Variants in GALNT13 observed in about 807,000 individuals in gnomAD.
GALNT13 encodes the protein UDP-GalNAc:polypeptide N-acetylgalactosaminyltransferase 13.
In GALNT13, 28 loss-of-function variants were observed where a neutral mutation model predicts 64.2. The ratio of observed to expected loss-of-function variants is 0.44; its 90% confidence interval spans 0.32 to 0.60. The LOEUF (loss-of-function observed/expected upper bound fraction) is 0.60, where lower values mean the gene tolerates loss of function less well. GALNT13 is among the 20% of genes least tolerant of loss of function. The pLI, the probability that GALNT13 is intolerant of heterozygous loss-of-function variation, is 0.05. For synonymous variants in GALNT13, 214 were observed against 224.6 expected (o/e 0.95, Z 0.42); for missense variants, 577 against 669.8 (o/e 0.86, Z 1.53).
At position 153,884,673 on chromosome 2, in the gene GALNT13, C is replaced by G. The variant is rs1308351146; in HGVS notation, c.-177+12370C>G. ...AGGTGCTGGGTTTGTAATCCCAGCA[C>G]TTTTGGAGGCTGAGGTGGGCGGATC... is the stretch of plus-strand genomic sequence containing the variant. On this transcript the variant is annotated intron_variant, in intron 1 of 12. Coordinates refer to ENST00000392825, the MANE Select transcript of GALNT13 (RefSeq NM_052917.4). 2.7e-5 allele frequency among the ~76,000 whole-genome samples: 4 copies of G among 150,606 alleles called. No individual in the cohort carries two copies. The South Asian group carries it at 8.4e-4, about 32-fold the overall frequency.
chr2:153,841,739 G>C, the GALNT13 span, among the ~76,000 whole-genome samples: 1 of 152,056 alleles, frequency 6.6e-6, no homozygotes, highest in African/African-American at 2.4e-5. Context: ...CTGTATTATG[G>C]TTTGATCTCA....
the GALNT13 span, among the ~76,000 whole-genome samples, chr2:153,352,919 T>C: frequency 6.6e-6 from 1 of 152,108 alleles, no homozygotes; most frequent in Non-Finnish European, 1.5e-5. Flanking sequence ...TCTTTCAATA[T>C]TGTGTTGGCT....
At chr2:153,266,989 A>T in the GALNT13 span, among the ~76,000 whole-genome samples, 1 of 152,326 alleles carries the variant, frequency 6.6e-6, no homozygotes. Flanking sequence ...ATACAATGGG[A>T]GTGTGGGCAT....
intron 9 of GALNT13, among the ~76,000 whole-genome samples, chr2:154,312,657 C>T (rs2105134242): frequency 6.6e-6 from 1 of 152,200 alleles, no homozygotes; most frequent in African/African-American, 2.4e-5. Flanking sequence ...TTGGTTTATA[C>T]ATTGTTAAAA....
the GALNT13 span, among the ~76,000 whole-genome samples, chr2:153,691,497 CT>C: frequency 6.6e-6 from 1 of 151,902 alleles, no homozygotes; most frequent in Non-Finnish European, 1.5e-5. Context: ...TATTTTGATC[CT>C]TTTTTTCTAA....
At chr2:154,029,394 G>T (rs77056011) in intron 3 of GALNT13, among the ~76,000 whole-genome samples, 691 of 152,070 alleles carry the variant, frequency 4.5e-3, no homozygotes, top group Admixed American at 8.9e-3. Context: ...AAGACCTAAA[G>T]TTGAGAGTGG....
chr2:153,632,016 C>T, the GALNT13 span, among the ~76,000 whole-genome samples: 1 of 152,088 alleles, frequency 6.6e-6, no homozygotes, highest in African/African-American at 2.4e-5. Context: ...TCATTGTTGT[C>T]ACCTTTGACA....
intron 9 of GALNT13, among the ~76,000 whole-genome samples, chr2:154,385,116 T>G (rs987422603): frequency 6.6e-6 from 1 of 151,960 alleles, no homozygotes; most frequent in Non-Finnish European, 1.5e-5. Flanking sequence ...TAAGATAGTA[T>G]GTGGCATATA....
chr2:153,364,497 G>A, the GALNT13 span, among the ~76,000 whole-genome samples: 1 of 152,110 alleles, frequency 6.6e-6, no homozygotes, highest in Non-Finnish European at 1.5e-5. Flanking sequence ...CATCATCTCA[G>A]CCCAAAGACT....
At chr2:153,539,949 A>G in the GALNT13 span, among the ~76,000 whole-genome samples, 1 of 152,232 alleles carries the variant, frequency 6.6e-6, no homozygotes, top group African/African-American at 2.4e-5. Flanking sequence ...ACAATATGGT[A>G]GAAAAGAAAA....
chr2:153,860,794 T>G, the GALNT13 span, among the ~76,000 whole-genome samples: 1 of 152,216 alleles, frequency 6.6e-6, no homozygotes, highest in Admixed American at 6.5e-5. Flanking sequence ...GGGCTTACAC[T>G]TTAAGTGGGA....
rs74463454 is a variant in GALNT13, at chr2:154,244,773, A to G, written c.687-1039A>G. On this transcript the variant is annotated intron_variant, in intron 6 of 12. Transcript: ENST00000392825. ...GTACCTAATGATTTTCCCAAATGAA[A>G]TTTTCTACCATAGAAAGCTACCATT... Among the ~76,000 whole-genome samples the G allele has an allele frequency of 6.3e-3, 953 of 152,222 alleles. 7 individuals carry two copies. Among genetic ancestry groups the G allele is most frequent in the Non-Finnish European group, 0.01 (698 of 68,006 alleles).
the GALNT13 span, among the ~76,000 whole-genome samples, chr2:153,268,164 TTA>T: frequency 6.6e-6 from 1 of 152,184 alleles, no homozygotes; most frequent in African/African-American, 2.4e-5. Context: ...CAAGTTCCTT[TTA>T]GTTATAAGCC....
the GALNT13 span, among the ~76,000 whole-genome samples, chr2:153,492,177 A>G: frequency 6.6e-6 from 1 of 152,214 alleles, no homozygotes; most frequent in African/African-American, 2.4e-5. Flanking sequence ...ATTCAAACAC[A>G]TAGGGAAATT....
chr2:153,412,487 A>G, the GALNT13 span, among the ~76,000 whole-genome samples: 1 of 152,190 alleles, frequency 6.6e-6, no homozygotes, highest in South Asian at 2.1e-4. Flanking sequence ...AGCTCATCTC[A>G]AAATAGATGA....
chr2:154,143,678 T>G (rs1343144026), intron 4 of GALNT13, among the ~76,000 whole-genome samples: 3 of 151,518 alleles, frequency 2.0e-5, no homozygotes, highest in African/African-American at 7.3e-5. Flanking sequence ...CTGGCCAACA[T>G]GGTGAAACCC....
chr2:154,360,052 C>G (rs536031050), intron 9 of GALNT13, among the ~76,000 whole-genome samples: 10 of 152,160 alleles, frequency 6.6e-5, no homozygotes, highest in Middle Eastern at 3.4e-3. Context: ...AGCAAATGTC[C>G]TGGAAAAATG....
the GALNT13 span, among the ~76,000 whole-genome samples, chr2:153,285,140 G>A: frequency 2.0e-5 from 3 of 152,038 alleles, no homozygotes; most frequent in Non-Finnish European, 4.4e-5. Context: ...AGGGCGGCAG[G>A]AGAGAATGAA....
At chr2:153,150,176 A>T in the GALNT13 span, among the ~76,000 whole-genome samples, 1 of 151,984 alleles carries the variant, frequency 6.6e-6, no homozygotes, top group Non-Finnish European at 1.5e-5. Flanking sequence ...TATTTGACTT[A>T]TATGATTCAA....
Sources: gnomAD v4.1 joint callset for allele counts (sites outside exome capture counted in the v4.1 genomes callset) on GRCh38, gnomAD v4.1.1 for gene constraint, MANE v1.5 for transcripts, NCBI Gene and HGNC (gene_info 2026-07-23, HGNC 2026-07-21) for gene names.